The following CNP variants were observed in gnomAD, a reference collection of about 807,000 sequenced individuals.
The protein encoded by CNP is 2',3'-cyclic-nucleotide 3'-phosphodiesterase.
Under a neutral mutation model 37.9 loss-of-function variants are expected in CNP, and 8 were observed. The observed-to-expected ratio is 0.21, with a 90% CI of 0.12 to 0.38. The LOEUF is 0.38. Among genes scored for constraint, CNP ranks in the 10% least tolerant of loss-of-function variants. The pLI, the probability that CNP is intolerant of heterozygous loss-of-function variation, is 1.00. For missense variants in CNP, 457 were observed against 551.0 expected (o/e 0.83, Z 1.71); for synonymous variants, 237 against 238.3 (o/e 0.99, Z 0.05).
rs782266279 is a variant in CNP at position 41,973,920 on chromosome 17, T to C, written c.1262T>C (p.Ile421Thr). The change falls in exon 4 of 4, where the codon ATA becomes ACA. Residue 421 changes from isoleucine to threonine, a missense_variant. Transcript: ENST00000393892. Reference protein sequence around the residue: ...KGGALQSCTII With the variant: ...KGGALQSCTIT ...GGCGCCTTGCAGTCCTGCACCATCA[T>C]ATGAGTGTTCTCACCACCACTTATG... 3 of 1,520,334 alleles carry C rather than the reference T, an allele frequency of 2.0e-6. No homozygotes were observed. The highest frequency in any genetic ancestry group is 4.1e-5 in the Admixed American group (2 of 48,482). The allele number at this position is 1,520,334 out of a possible 1,614,324, so 94.2% of individuals were successfully genotyped here. A position where few individuals can be genotyped will look rare whatever the true frequency, so the allele number is the denominator to read the frequency against.
In CNP at chr17:41,977,483, C is replaced by T. The variant is rs967933967; in HGVS notation, c.*3559C>T. 1.6e-6 allele frequency: 1 copy of T among 615,724 alleles called. No individual in the cohort carries two copies. Among genetic ancestry groups the T allele is most frequent in the Non-Finnish European group, 2.8e-6 (1 of 352,058 alleles). The allele number at this position is 615,724 out of a possible 1,614,324, so 38.1% of individuals were successfully genotyped here. On this transcript the variant is annotated 3_prime_UTR_variant, in exon 4 of 4. Coordinates refer to ENST00000393892, the MANE Select transcript of CNP (RefSeq NM_033133.5). ...TCAGACTGCAAGTGAGCAAACCTGC[C>T]CCATCCCGTGCAAAACATGCTACCT...
At chr17:41,972,139 T>A in intron 3 of CNP, 108 bp downstream of exon 3, 1 of 1,377,738 alleles carries the variant, frequency 7.3e-7, no homozygotes, top group Admixed American at 2.1e-5. Flanking sequence ...AAAAACCAGA[T>A]GGCAGCTCAA....
chr17:41,973,431 G>T (rs782652904), intron 3 of CNP, 44 bp from the exon 4 acceptor site: 1 of 1,567,136 alleles, frequency 6.4e-7, no homozygotes. Flanking sequence ...TTCCTCAAGA[G>T]CCTGCCATCT....
In CNP at chr17:41,968,706, G is replaced by A. The variant is rs782081582; in HGVS notation, c.642G>A (p.Gly214=). The A allele has an allele frequency of 2.5e-6, 4 of 1,613,268 alleles. No homozygotes were observed. In the East Asian group the frequency reaches 6.7e-5, roughly 27 times the overall value. ...KAGQVFLEEL[G]NHKAFKKELR... Reference sequence around the variant, plus strand: ...GCCAGGTCTTCCTGGAAGAGCTGGGGAACCACAAGGCCTTCAAGAAGGAGC... The same window carrying A: ...GCCAGGTCTTCCTGGAAGAGCTGGGAAACCACAAGGCCTTCAAGAAGGAGC... Residue 214 remains glycine (G), a synonymous_variant, in exon 2 of 4, where the codon GGG becomes GGA. Coordinates refer to ENST00000393892, the MANE Select transcript of CNP (RefSeq NM_033133.5). The surrounding 1 kb of genome is among the most constrained non-coding windows in gnomAD (Gnocchi z 4.8).
At chr17:41,967,249 A>C in intron 1 of CNP, 5 of 206,988 alleles carry the variant, frequency 2.4e-5, no homozygotes, top group Admixed American at 1.2e-4. Context: ...CAGTCTCATC[A>C]CGCGGAACCG....
chr17:41,972,814 C>T (rs1445463170), intron 3 of CNP, among the ~76,000 whole-genome samples: 1 of 152,292 alleles, frequency 6.6e-6, no homozygotes, highest in Middle Eastern at 3.4e-3. Context: ...TATTAACTAC[C>T]CATTTCATGC....
At position 41,974,171 on chromosome 17, in the gene CNP, C is replaced by A; in HGVS notation, c.*247C>A. The A allele has an allele frequency of 3.1e-6, 1 of 318,642 alleles. No homozygotes were observed. The highest frequency in any genetic ancestry group is 5.7e-6 in the Non-Finnish European group (1 of 176,138). 19.7% of individuals were successfully genotyped at this position (318,642 alleles called of 1,614,324 possible). A position where few individuals can be genotyped will look rare whatever the true frequency, so the allele number is the denominator to read the frequency against. ...ATTCAGGAACCTGGACCAAAGCTGA[C>A]GAGGCTGGGCCAAGCCAGGGATGGG... On this transcript the variant is annotated 3_prime_UTR_variant, in exon 4 of 4. Coordinates refer to ENST00000393892, the MANE Select transcript of CNP (RefSeq NM_033133.5).
intron 1 of CNP, 196 bp downstream of exon 1, chr17:41,967,083 G>T (rs1458664344): frequency 4.1e-6 from 2 of 489,892 alleles, no homozygotes; most frequent in African/African-American, 4.0e-5. Context: ...CCGCTGTAAA[G>T]GGAAACGGTG....
Position 41,973,842 on chromosome 17 carries a change from C to A in CNP, c.1184C>A (p.Thr395Lys). Residue 395 changes from threonine to lysine, a missense_variant, in exon 4 of 4, where the codon ACG becomes AAG. By Grantham distance (78) the Thr-to-Lys change is moderately conservative. Transcript: ENST00000393892. ...AACATGGAGGTCAGGGCCATCTTCA[C>A]GGGGTACTACGGGAAAGGCAAACCT... is the stretch of plus-strand genomic sequence containing the variant. ...AKNMEVRAIF[T>K]GYYGKGKPVP... The A allele has an allele frequency of 6.2e-7, 1 of 1,604,834 alleles. No individual in the cohort carries two copies. Among genetic ancestry groups the A allele is most frequent in the Non-Finnish European group, 8.5e-7 (1 of 1,175,090 alleles).
intron 2 of CNP, chr17:41,970,444 G>A (rs9914517): frequency 6.8e-6 from 1 of 147,816 alleles, no homozygotes; most frequent in Admixed American, 6.8e-5. Context: ...CTGTCGCCCA[G>A]GCTGGAGTGC....
chr17:41,976,872 A>G lies in CNP; in HGVS notation c.*2948A>G. 7.0e-7 allele frequency: 1 copy of G among 1,429,446 alleles called. No individual in the cohort carries two copies. Among genetic ancestry groups the G allele is most frequent in the Non-Finnish European group, 9.5e-7 (1 of 1,052,298 alleles). 88.5% of individuals were successfully genotyped at this position (1,429,446 alleles called of 1,614,324 possible). On this transcript the variant is annotated 3_prime_UTR_variant, in exon 4 of 4. Transcript: ENST00000393892. ...TCTTCAAGGGCTGCTTCAAACTCAAACACAGAGAGAAACTCTATGGGTATC... is the reference window on the plus strand; with the variant it reads ...TCTTCAAGGGCTGCTTCAAACTCAAGCACAGAGAGAAACTCTATGGGTATC...
At position 41,974,626 on chromosome 17, in the gene CNP, T is replaced by TCCTA. The variant is rs2051046104; in HGVS notation, c.*703_*706dup. 6.6e-6 allele frequency: 1 copy of TCCTA among 152,288 alleles called. No individual in the cohort carries two copies. Among genetic ancestry groups the TCCTA allele is most frequent in the African/African-American group, 2.4e-5 (1 of 41,428 alleles). 9.4% of individuals were successfully genotyped at this position (152,288 alleles called of 1,614,324 possible). On this transcript the variant is annotated 3_prime_UTR_variant, in exon 4 of 4. Transcript: ENST00000393892. ...AAAGGAGCTTACCTCCCACCTTTGG[T>TCCTA]CCTAAGTCCCTGCCCCCTCCCCTTC...
intron 3 of CNP, among the ~76,000 whole-genome samples, chr17:41,972,721 C>G (rs570237065): frequency 6.6e-6 from 1 of 152,202 alleles, no homozygotes; most frequent in Non-Finnish European, 1.5e-5. Flanking sequence ...TTCGTTGACT[C>G]CTGTGGTTCC....
rs1170800422 is a variant in CNP at position 41,976,982 on chromosome 17, A to G, written c.*3058A>G. On this transcript the variant is annotated 3_prime_UTR_variant, in exon 4 of 4. Coordinates refer to ENST00000393892, the MANE Select transcript of CNP (RefSeq NM_033133.5). ...AGCTTCTGACCTCAGCATTATCTAT[A>G]TAGTACCTTTGCTCTTGCAGAGAAG... The G allele has an allele frequency of 2.0e-5, 13 of 654,852 alleles. No individual in the cohort carries two copies. The highest frequency in any genetic ancestry group is 4.1e-4 in the Middle Eastern group (1 of 2,414). The allele number at this position is 654,852 out of a possible 1,614,324, so 40.6% of individuals were successfully genotyped here.
Position 41,968,721 on chromosome 17 carries a change from CAAG to C in CNP, c.661_663del (p.Lys221del), listed in dbSNP as rs1308431571. ...AAGAGCTGGGGAACCACAAGGCCTT[CAAG>C]AAGGAGCTGCGACAATGTAGGTGGC... On this transcript the variant is annotated inframe_deletion, in exon 2 of 4. Coordinates refer to ENST00000393892, the MANE Select transcript of CNP (RefSeq NM_033133.5). This position sits in a 1 kb window ranked among gnomAD's most constrained non-coding sequence, Gnocchi z 4.8. 1.9e-6 allele frequency: 3 copies of C among 1,610,798 alleles called. No individual in the cohort carries two copies. The highest frequency in any genetic ancestry group is 2.5e-6 in the Non-Finnish European group (3 of 1,177,790).
chr17:41,968,184 G>A lies in CNP; in HGVS notation c.120G>A (p.Glu40=). The A allele has an allele frequency of 6.2e-7, 1 of 1,614,178 alleles. No individual in the cohort carries two copies. Among genetic ancestry groups the A allele is most frequent in the South Asian group, 1.1e-5 (1 of 91,084 alleles). Reference sequence around the variant, plus strand: ...TGCAGTTTCCCTTCCTTCAGGATGAGGACACAGTGGCCACGCTGCTAGAGT... The same window carrying A: ...TGCAGTTTCCCTTCCTTCAGGATGAAGACACAGTGGCCACGCTGCTAGAGT... ...PELQFPFLQD[E]DTVATLLECK... Residue 40 remains glutamate (E), a synonymous_variant, in exon 2 of 4, where the codon GAG becomes GAA. Transcript: ENST00000393892. This position sits in a 1 kb window ranked among gnomAD's most constrained non-coding sequence, Gnocchi z 4.8.
Position 41,974,076 on chromosome 17 carries a change from C to T in CNP, c.*152C>T, listed in dbSNP as rs1190502167. 1 of 639,104 alleles carries T rather than the reference C, an allele frequency of 1.6e-6. No homozygotes were observed. The highest frequency in any genetic ancestry group is 3.2e-5 in the East Asian group (1 of 31,220). 39.6% of individuals were successfully genotyped at this position (639,104 alleles called of 1,614,324 possible). ...TTTAAAAACTTGTAAAATAACTGAC[C>T]CTCCCTTCCTGTCCGCCCTCTTCCC... is the stretch of plus-strand genomic sequence containing the variant. On this transcript the variant is annotated 3_prime_UTR_variant, in exon 4 of 4. Transcript: ENST00000393892.
intron 1 of CNP, chr17:41,967,564 A>C (rs1598099844): frequency 1.4e-6 from 1 of 701,142 alleles, no homozygotes. Flanking sequence ...GCCCCCCACC[A>C]GCCCTTCTGT....
rs781979771 is a variant in CNP, at chr17:41,971,881, T to G, written c.677-11T>G. 1 of 1,613,502 alleles carries G rather than the reference T, an allele frequency of 6.2e-7. No individual in the cohort carries two copies. Among genetic ancestry groups the G allele is most frequent in the South Asian group, 1.1e-5 (1 of 91,032 alleles). On this transcript the variant is annotated splice_polypyrimidine_tract_variant and intron_variant, in intron 2 of 3. Transcript: ENST00000393892. ...TCCCCTGCCCTGACTGCACCCGTTTTCTCCCGGCAGTCGTCCCTGGGGATG... is the reference window on the plus strand; with the variant it reads ...TCCCCTGCCCTGACTGCACCCGTTTGCTCCCGGCAGTCGTCCCTGGGGATG...
Sources: allele counts gnomAD v4.1 joint callset (sites outside exome capture counted in the v4.1 genomes callset), GRCh38; gene constraint gnomAD v4.1.1; non-coding constraint Gnocchi (gnomAD v3.1); transcripts MANE v1.5; gene names NCBI Gene and HGNC (gene_info 2026-07-23, HGNC 2026-07-21).